Variants in STXBP5L observed in about 807,000 individuals in gnomAD.
STXBP5L encodes the protein syntaxin binding protein 5L.
In STXBP5L, 65 loss-of-function variants were observed where a neutral mutation model predicts 144.5. The ratio of observed to expected loss-of-function variants is 0.45; its 90% CI spans 0.37 to 0.55. STXBP5L has a LOEUF of 0.55. STXBP5L is among the 20% of genes least tolerant of loss of function. The pLI is 0.00. For synonymous variants in STXBP5L, 505 were observed against 469.6 expected (o/e 1.08, Z -0.97); for missense variants, 1,298 against 1,405.5 (o/e 0.92, Z 1.22).
intron 20 of STXBP5L, among the ~76,000 whole-genome samples, chr3:121,365,600 G>A (rs190800132): frequency 3.6e-4 from 55 of 151,594 alleles, no homozygotes; most frequent in Non-Finnish European, 6.1e-4. Context: ...TTTTATTTCC[G>A]TAGAATCAGC....
intron 19 of STXBP5L, among the ~76,000 whole-genome samples, chr3:121,308,709 T>C (rs1334958562): frequency 6.6e-6 from 1 of 152,080 alleles, no homozygotes; most frequent in African/African-American, 2.4e-5. Context: ...GAATAAAAAA[T>C]GGTAAATGGT....
At chr3:121,355,377 G>A (rs1319961940) in intron 20 of STXBP5L, among the ~76,000 whole-genome samples, 1 of 152,200 alleles carries the variant, frequency 6.6e-6, no homozygotes, top group African/African-American at 2.4e-5. Flanking sequence ...TGGAGGCTTT[G>A]TTCATTTCTT....
intron 2 of STXBP5L, among the ~76,000 whole-genome samples, chr3:120,913,013 A>G (rs916700763): frequency 7.9e-5 from 12 of 151,938 alleles, no homozygotes; most frequent in Admixed American, 6.6e-4. Context: ...TAATTCAAAC[A>G]TCACCTCTAT....
intron 9 of STXBP5L, among the ~76,000 whole-genome samples, chr3:121,188,730 A>C (rs2047505237): frequency 6.6e-6 from 1 of 152,218 alleles, no homozygotes; most frequent in African/African-American, 2.4e-5. Context: ...TCAATAGATG[A>C]AGAAAAAGCC....
At chr3:121,167,593 T>G (rs1037058101) in intron 9 of STXBP5L, among the ~76,000 whole-genome samples, 5 of 151,848 alleles carry the variant, frequency 3.3e-5, no homozygotes, top group Non-Finnish European at 5.9e-5. Context: ...CCTCCTTAAC[T>G]CAGCAAAACA....
intron 2 of STXBP5L, among the ~76,000 whole-genome samples, chr3:120,945,860 GA>G (rs369869634): frequency 2.6e-5 from 4 of 151,756 alleles, no homozygotes; most frequent in African/African-American, 9.7e-5. Flanking sequence ...AGTTGTTTTA[GA>G]AAGTCCTTGA....
chr3:121,098,415 G>A (rs561027259), intron 5 of STXBP5L, among the ~76,000 whole-genome samples: 1 of 152,140 alleles, frequency 6.6e-6, no homozygotes, highest in African/African-American at 2.4e-5. Context: ...AACTTACAGG[G>A]TAAGAACTCC....
chr3:121,044,078 G>C (rs1360453081), intron 4 of STXBP5L, among the ~76,000 whole-genome samples: 4 of 151,940 alleles, frequency 2.6e-5, no homozygotes, highest in Non-Finnish European at 2.9e-5. Flanking sequence ...AATTATCAAG[G>C]CTTATATATA....
intron 2 of STXBP5L, among the ~76,000 whole-genome samples, chr3:120,942,963 T>G (rs1426009304): frequency 6.6e-6 from 1 of 151,698 alleles, no homozygotes; most frequent in Non-Finnish European, 1.5e-5. Context: ...CAGAACCTAA[T>G]GATATAATCA....
intron 19 of STXBP5L, among the ~76,000 whole-genome samples, chr3:121,297,676 C>T (rs1441826805): frequency 6.6e-6 from 1 of 152,134 alleles, no homozygotes; most frequent in Non-Finnish European, 1.5e-5. Context: ...ATTGCTTGAA[C>T]CCAGAAGGTG....
At chr3:121,249,166 G>T (rs955945701) in intron 14 of STXBP5L, among the ~76,000 whole-genome samples, 1 of 151,854 alleles carries the variant, frequency 6.6e-6, no homozygotes, top group Non-Finnish European at 1.5e-5. Flanking sequence ...TTCTACTTCT[G>T]TGAGGAATGA....
At chr3:121,047,940 G>A (rs1362199737) in intron 5 of STXBP5L, among the ~76,000 whole-genome samples, 1 of 151,870 alleles carries the variant, frequency 6.6e-6, no homozygotes, top group Non-Finnish European at 1.5e-5. Context: ...GCTTTATAGG[G>A]TCAACAGTTT....
chr3:121,007,076 C>G (rs901441980), intron 3 of STXBP5L, among the ~76,000 whole-genome samples: 6 of 152,060 alleles, frequency 3.9e-5, no homozygotes, highest in African/African-American at 1.4e-4. Context: ...CTCTGTATTT[C>G]CTGAATTTGA....
intron 9 of STXBP5L, among the ~76,000 whole-genome samples, chr3:121,182,781 T>C (rs1249000266): frequency 6.6e-6 from 1 of 151,984 alleles, no homozygotes; most frequent in Non-Finnish European, 1.5e-5. Context: ...AGAGAGAGCA[T>C]CCAAACAAGC....
At chr3:121,157,725 A>G in intron 9 of STXBP5L, 98 bp downstream of exon 9, 1 of 1,473,004 alleles carries the variant, frequency 6.8e-7, no homozygotes, top group Non-Finnish European at 9.1e-7. Context: ...GAAAAAAGTA[A>G]TAGGACATAG....
At chr3:121,185,944 C>T (rs2047363165) in intron 9 of STXBP5L, among the ~76,000 whole-genome samples, 1 of 152,110 alleles carries the variant, frequency 6.6e-6, no homozygotes, top group South Asian at 2.1e-4. Flanking sequence ...GAATGTTCTT[C>T]CATTTGTTTG....
chr3:121,051,150 C>G lies in STXBP5L; in HGVS notation c.470+5615C>G, dbSNP rs9771223. ...CAATAATAATGGGAGACTTTAACAC[C>G]CCACTGTCAACATTAGACAGATCAA... On this transcript the variant is annotated intron_variant, in intron 5 of 26. Coordinates refer to ENST00000471454, the MANE Select transcript of STXBP5L (RefSeq NM_001308330.2). Among the ~76,000 whole-genome samples, 381 of 152,180 alleles carry G rather than the reference C, an allele frequency of 2.5e-3. 2 individuals are homozygous for G. Among genetic ancestry groups the G allele is most frequent in the African/African-American group, 8.6e-3 (358 of 41,502 alleles).
chr3:121,207,735 C>A (rs2048394227), intron 10 of STXBP5L, among the ~76,000 whole-genome samples: 1 of 152,162 alleles, frequency 6.6e-6, no homozygotes, highest in Admixed American at 6.5e-5. Context: ...TGAAAAAATG[C>A]TCATCATCAC....
chr3:121,292,967 A>G (rs1171270776), intron 19 of STXBP5L, among the ~76,000 whole-genome samples: 1 of 152,190 alleles, frequency 6.6e-6, no homozygotes, highest in East Asian at 1.9e-4. Flanking sequence ...CTAAAATCTC[A>G]GGAATCACCA....
Sources: gnomAD v4.1 joint callset for allele counts (sites outside exome capture counted in the v4.1 genomes callset) on GRCh38, gnomAD v4.1.1 for gene constraint, MANE v1.5 for transcripts, NCBI Gene and HGNC (gene_info 2026-07-23, HGNC 2026-07-21) for gene names.